Variants in RAB19 observed in about 807,000 individuals in gnomAD.
RAB19 encodes the protein ras-related protein Rab-19.
Under a neutral mutation model 17.3 loss-of-function variants are expected in RAB19, and 21 were observed. The ratio of observed to expected loss-of-function variants is 1.21; its 90% confidence interval spans 0.86 to 1.74. RAB19 has a LOEUF of 1.74. Among genes scored for constraint, RAB19 ranks in the 40% most tolerant of loss-of-function variants. The pLI is 0.00. For missense variants in RAB19, 277 were observed against 286.8 expected, an observed-to-expected ratio of 0.97 and a Z score of 0.25; for synonymous variants, 126 against 110.4, an observed-to-expected ratio of 1.14 and a Z score of -0.88.
intron 3 of RAB19, among the ~76,000 whole-genome samples, chr7:140,417,081 A>C (rs898154134): frequency 6.6e-6 from 1 of 150,716 alleles, no homozygotes; most frequent in African/African-American, 2.4e-5. Context: ...CAAAAAAAAA[A>C]AAAAATCAGC....
At position 140,409,847 on chromosome 7, in the gene RAB19, G is replaced by C. The variant is rs369791447; in HGVS notation, c.201+2000G>C. ...TCTCTACTAAAAATACAAAAAATCA[G>C]CCGGGCCTGGTGGCGGGTGCCTGTA... On this transcript the variant is annotated intron_variant, in intron 2 of 3. Transcript: ENST00000537763. Among the ~76,000 whole-genome samples the C allele has an allele frequency of 2.1e-3, 316 of 151,246 alleles. 2 individuals are homozygous for C. The highest frequency in any genetic ancestry group is 7.3e-3 in the African/African-American group (300 of 41,144).
chr7:140,407,880 CTTTTT>C (rs71170993), intron 2 of RAB19, 33 bp downstream of exon 2: 27,099 of 630,986 alleles, frequency 0.043, 369 homozygotes, highest in East Asian at 0.092. Context: ...CTGGTTCCAC[CTTTTT>C]TTTTTTTTTT....
At chr7:140,425,543 G>A (rs1269339657) in intron 3 of RAB19, among the ~76,000 whole-genome samples, 1 of 151,870 alleles carries the variant, frequency 6.6e-6, no homozygotes, top group Non-Finnish European at 1.5e-5. Flanking sequence ...TGGTCAATAT[G>A]GCAAAACACC....
chr7:140,425,992 A>C lies in RAB19; in HGVS notation c.496A>C (p.Lys166Gln). The change falls in exon 4 of 4, where the codon AAG (lysine) becomes CAG (glutamine). Residue 166 changes from lysine to glutamine, a missense_variant. Physicochemically the swap from Lys to Gln is moderately conservative, Grantham distance 53 (BLOSUM62 1). Coordinates refer to ENST00000537763, the MANE Select transcript of RAB19 (RefSeq NM_001008749.3). ...AVLETSAKES[K>Q]NIEEVFVLMA... is the part of the protein sequence containing the mutation. Reference sequence around the variant, plus strand: ...TTTGGAGACATCTGCCAAGGAGTCAAAGAACATAGAAGAAGTCTTCGTGCT... The same window carrying C: ...TTTGGAGACATCTGCCAAGGAGTCACAGAACATAGAAGAAGTCTTCGTGCT... 1 of 1,614,182 alleles carries C rather than the reference A, an allele frequency of 6.2e-7. No homozygotes were observed. The highest frequency in any genetic ancestry group is 8.5e-7 in the Non-Finnish European group (1 of 1,180,036).
rs115114752 is a variant in RAB19 at position 140,407,739 on chromosome 7, G to C, written c.93G>C (p.Thr31=). The change falls in exon 2 of 4, where the codon ACG becomes ACC. Residue 31 remains threonine, a synonymous_variant. Coordinates refer to ENST00000537763, the MANE Select transcript of RAB19 (RefSeq NM_001008749.3). ...TTGGGGATTCCAATGTGGGGAAGAC[G>C]TGTGTGGTGCAGCATTTCAAGTCTG... is the stretch of plus-strand genomic sequence containing the variant. ...ILIGDSNVGK[T]CVVQHFKSGV... is the part of the protein sequence containing the mutation. 6.7e-5 allele frequency: 108 copies of C among 1,614,034 alleles called. No individual in the cohort carries two copies. In the African/African-American group the frequency reaches 1.4e-3, roughly 21 times the overall value.
At chr7:140,417,403 T>TAAAA (rs35477728) in intron 3 of RAB19, among the ~76,000 whole-genome samples, 1 of 143,570 alleles carries the variant, frequency 7.0e-6, no homozygotes, top group African/African-American at 2.6e-5. Flanking sequence ...CCCTATCTCT[T>TAAAA]AAAAAAAAAA....
At chr7:140,422,129 G>A (rs1419998482) in intron 3 of RAB19, among the ~76,000 whole-genome samples, 2 of 152,186 alleles carry the variant, frequency 1.3e-5, no homozygotes, top group Non-Finnish European at 2.9e-5. Context: ...GCTCACGCCT[G>A]TAATCCCAAC....
Position 140,410,939 on chromosome 7 carries a change from A to G in RAB19, c.202-935A>G, listed in dbSNP as rs370633268. On this transcript the variant is annotated intron_variant, in intron 2 of 3. Coordinates refer to ENST00000537763, the MANE Select transcript of RAB19 (RefSeq NM_001008749.3). ...GAGGTATTATTGTGAGAACATTCCA[A>G]ACATGAACAGCTTGAGTGTTCCTTT... 36 of 1,367,878 alleles carry G rather than the reference A, an allele frequency of 2.6e-5. No homozygotes were observed. In the African/African-American group the frequency reaches 2.8e-4, roughly 11 times the overall value. 84.7% of individuals were successfully genotyped at this position (1,367,878 alleles called of 1,614,324 possible).
intron 3 of RAB19, among the ~76,000 whole-genome samples, chr7:140,417,188 A>G (rs2130134907): frequency 6.7e-6 from 1 of 150,232 alleles, no homozygotes; most frequent in African/African-American, 2.4e-5. Context: ...GTGAGCCGAG[A>G]TCGCACCACT....
intron 3 of RAB19, among the ~76,000 whole-genome samples, chr7:140,418,095 A>T (rs1799492170): frequency 6.6e-6 from 1 of 152,206 alleles, no homozygotes. Context: ...TTTGGGGATC[A>T]TTATGATCTA....
chr7:140,414,060 T>C (rs1799413107), intron 3 of RAB19, among the ~76,000 whole-genome samples: 1 of 152,082 alleles, frequency 6.6e-6, no homozygotes, highest in African/African-American at 2.4e-5. Flanking sequence ...TCTCTCTTTT[T>C]TTGAGACGGA....
chr7:140,414,633 C>A (rs1340752690), intron 3 of RAB19, among the ~76,000 whole-genome samples: 1 of 152,182 alleles, frequency 6.6e-6, no homozygotes, highest in Non-Finnish European at 1.5e-5. Flanking sequence ...GGTGTCCATG[C>A]CAGAGGGCTG....
intron 3 of RAB19, among the ~76,000 whole-genome samples, chr7:140,413,334 T>G (rs905984247): frequency 3.0e-4 from 45 of 151,584 alleles, no homozygotes; most frequent in South Asian, 8.3e-4. Context: ...GGTTGGTTCT[T>G]TTTGCTCAGG....
At chr7:140,413,688 C>CA (rs1490797580) in intron 3 of RAB19, among the ~76,000 whole-genome samples, 1 of 151,840 alleles carries the variant, frequency 6.6e-6, no homozygotes, top group Non-Finnish European at 1.5e-5. Context: ...GGTGAGAAAG[C>CA]AAAACCTGGT....
intron 2 of RAB19, among the ~76,000 whole-genome samples, chr7:140,411,230 T>C (rs1799354997): frequency 6.6e-6 from 1 of 152,044 alleles, no homozygotes; most frequent in African/African-American, 2.4e-5. Context: ...AAACCCCGTC[T>C]CTACTAAAAA....
intron 2 of RAB19, 33 bp downstream of exon 2, chr7:140,407,880 C>CTTT (rs71170993): frequency 1.4e-3 from 873 of 638,798 alleles, no homozygotes; most frequent in South Asian, 4.5e-3. Flanking sequence ...CTGGTTCCAC[C>CTTT]TTTTTTTTTT....
Position 140,427,758 on chromosome 7 carries a change from T to C in RAB19, c.*1608T>C, listed in dbSNP as rs1020687359. 4.7e-4 allele frequency among the ~76,000 whole-genome samples: 71 copies of C among 151,358 alleles called. No homozygotes were observed. The highest frequency in any genetic ancestry group is 5.6e-4 in the Non-Finnish European group (38 of 67,874). On this transcript the variant is annotated 3_prime_UTR_variant, in exon 4 of 4. Coordinates refer to ENST00000537763, the MANE Select transcript of RAB19 (RefSeq NM_001008749.3). ...TGAACCACCGCACCTGGCCTTTTTT[T>C]ATTATTATTATTGTAGAAATGAAGT...
intron 3 of RAB19, among the ~76,000 whole-genome samples, chr7:140,424,886 G>T (rs1392781049): frequency 2.0e-5 from 3 of 151,914 alleles, no homozygotes; most frequent in Non-Finnish European, 4.4e-5. Context: ...AATAAATCTT[G>T]ATGTCTGGTA....
At chr7:140,404,967 T>C (rs959649540) in intron 1 of RAB19, among the ~76,000 whole-genome samples, 1 of 152,132 alleles carries the variant, frequency 6.6e-6, no homozygotes, top group Non-Finnish European at 1.5e-5. Context: ...CCCACAGAAG[T>C]GAGAGCTGCC....
Sources: gnomAD v4.1 joint callset for allele counts (sites outside exome capture counted in the v4.1 genomes callset) on GRCh38, gnomAD v4.1.1 for gene constraint, MANE v1.5 for transcripts, NCBI Gene and HGNC (gene_info 2026-07-23, HGNC 2026-07-21) for gene names.